Variants in SRRM3 observed in about 807,000 individuals in gnomAD.
The protein encoded by SRRM3 is serine/arginine repetitive matrix 3.
A neutral mutation model predicts 66.2 loss-of-function variants in SRRM3; 27 were observed. That is an observed-to-expected ratio of 0.41 (90% CI 0.30 to 0.56). The LOEUF (loss-of-function observed/expected upper bound fraction) is 0.56. SRRM3 is among the 20% of genes least tolerant of loss of function. The pLI is 0.32. For synonymous variants in SRRM3, 391 were observed against 414.9 expected, an observed-to-expected ratio of 0.94 and a Z score of 0.70; for missense variants, 918 against 991.9, an observed-to-expected ratio of 0.93 and a Z score of 1.00.
intron 1 of SRRM3, among the ~76,000 whole-genome samples, chr7:76,220,266 G>C (rs925288677): frequency 6.6e-6 from 1 of 152,180 alleles, no homozygotes; most frequent in Non-Finnish European, 1.5e-5. Flanking sequence ...AGTAGCCACA[G>C]GGTGACAGCA....
chr7:76,277,566 C>G (rs1554611300), intron 11 of SRRM3, among the ~76,000 whole-genome samples: 1 of 151,940 alleles, frequency 6.6e-6, no homozygotes, highest in African/African-American at 2.4e-5. Context: ...CATGGTGGCT[C>G]ACGCCTGTAA....
At chr7:76,217,274 A>G (rs1005963650) in intron 1 of SRRM3, among the ~76,000 whole-genome samples, 14 of 152,114 alleles carry the variant, frequency 9.2e-5, no homozygotes, top group African/African-American at 3.4e-4. Flanking sequence ...TCAAAAGCAA[A>G]TGCAGCTTTT....
chr7:76,213,569 GT>G, intron 1 of SRRM3, among the ~76,000 whole-genome samples: 1 of 152,254 alleles, frequency 6.6e-6, no homozygotes, highest in Middle Eastern at 3.4e-3. Context: ...GGGATTCATT[GT>G]TGCAGGTTGT....
In SRRM3 at chr7:76,267,710, G is replaced by T. The variant is rs569557502; in HGVS notation, c.1008+275G>T. 62 of 357,452 alleles carry T rather than the reference G, an allele frequency of 1.7e-4. No homozygotes were observed. In the South Asian group the frequency reaches 7.0e-3, roughly 40 times the overall value. The allele number at this position is 357,452 out of a possible 1,614,324, so 22.1% of individuals were successfully genotyped here. ...TTGGCAAACTGAAGGCCAGAGGGGG[G>T]TTGACCGCGGGGCACTGAGTTGGGT... On this transcript the variant is annotated intron_variant, in intron 11 of 14. Coordinates refer to ENST00000611745, the MANE Select transcript of SRRM3 (RefSeq NM_001110199.3).
Position 76,283,100 on chromosome 7 carries a change from A to G in SRRM3, c.1732A>G (p.Ser578Gly). 1 of 1,433,916 alleles carries G rather than the reference A, an allele frequency of 7.0e-7. No individual in the cohort carries two copies. Among genetic ancestry groups the G allele is most frequent in the Non-Finnish European group, 9.1e-7 (1 of 1,098,532 alleles). 88.8% of individuals were successfully genotyped at this position (1,433,916 alleles called of 1,614,324 possible). ...CTTCATGGAGCCGCGGCGCATCACC[A>G]GGTATGGAGGGTCTTGGGGGGGCCG... is the stretch of plus-strand genomic sequence containing the variant. ...PSFMEPRRIT[S>G]ARKRPIPYYR... Residue 578 changes from serine to glycine, a missense_variant and splice_region_variant, in exon 14 of 15, where the codon AGC becomes GGC. Transcript: ENST00000611745.
chr7:76,256,119 G>A (rs1010219907), intron 3 of SRRM3, among the ~76,000 whole-genome samples: 10 of 152,298 alleles, frequency 6.6e-5, no homozygotes, highest in African/African-American at 2.2e-4. Context: ...TAAACCCCAA[G>A]AGAGGGTTCT....
intron 8 of SRRM3, among the ~76,000 whole-genome samples, chr7:76,263,630 TG>T (rs1801933676): frequency 6.6e-6 from 1 of 151,818 alleles, no homozygotes; most frequent in Non-Finnish European, 1.5e-5. Context: ...AGGGCTGAGG[TG>T]GGCAGATCAC....
At position 76,281,558 on chromosome 7, in the gene SRRM3, G is replaced by A. The variant is rs2117116390; in HGVS notation, c.1126G>A (p.Gly376Arg). ...CTCGGCGCCGTCGTCCCAAGGTCGCGGAGGCCGCGCGGCGGGCGGGGCGGG... is the reference window on the plus strand; with the variant it reads ...CTCGGCGCCGTCGTCCCAAGGTCGCAGAGGCCGCGCGGCGGGCGGGGCGGG... ...PRSAPSSQGR[G>R]GRAAGGAGRR... Residue 376 changes from glycine to arginine, a missense_variant, in exon 12 of 15, where the codon GGA becomes AGA. Transcript: ENST00000611745. The A allele has an allele frequency of 9.4e-7, 1 of 1,062,986 alleles. No homozygotes were observed. Among genetic ancestry groups the A allele is most frequent in the Non-Finnish European group, 1.1e-6 (1 of 880,640 alleles). The allele number at this position is 1,062,986 out of a possible 1,614,324, so 65.8% of individuals were successfully genotyped here. A position where few individuals can be genotyped will look rare whatever the true frequency, so the allele number is the denominator to read the frequency against.
chr7:76,259,177 C>T (rs1195898217), intron 3 of SRRM3, among the ~76,000 whole-genome samples: 2 of 141,032 alleles, frequency 1.4e-5, no homozygotes, highest in East Asian at 2.1e-4. Context: ...GGGTTAGGGG[C>T]ACAGGGATCA....
chr7:76,278,817 C>T (rs1802426827), intron 11 of SRRM3, among the ~76,000 whole-genome samples: 1 of 152,226 alleles, frequency 6.6e-6, no homozygotes, highest in Non-Finnish European at 1.5e-5. Flanking sequence ...AGCTCAGCTC[C>T]AGCCCTGCAG....
At chr7:76,272,259 G>A (rs1033446335) in intron 11 of SRRM3, among the ~76,000 whole-genome samples, 19 of 152,154 alleles carry the variant, frequency 1.2e-4, no homozygotes, top group Non-Finnish European at 2.5e-4. Flanking sequence ...AGTCTCTAGC[G>A]TTAGAAGTTT....
chr7:76,234,950 G>A (rs1801104231), intron 1 of SRRM3, 78 bp from the exon 2 acceptor site: 4 of 828,556 alleles, frequency 4.8e-6, no homozygotes. Flanking sequence ...AAATCTCCAG[G>A]ATTAACTCCA....
At chr7:76,255,207 T>C (rs1480820541) in intron 3 of SRRM3, among the ~76,000 whole-genome samples, 2 of 139,982 alleles carry the variant, frequency 1.4e-5, no homozygotes, top group Non-Finnish European at 3.0e-5. Context: ...TGGAGTGCAG[T>C]GGTGCGATCT....
intron 1 of SRRM3, among the ~76,000 whole-genome samples, chr7:76,208,236 C>G (rs986190637): frequency 2.0e-5 from 3 of 152,162 alleles, no homozygotes; most frequent in African/African-American, 7.2e-5. Flanking sequence ...GCACCCAGAA[C>G]TGGAATCTGG....
chr7:76,261,174 C>T (rs1479022162), intron 6 of SRRM3, among the ~76,000 whole-genome samples, 178 bp from the exon 7 acceptor site: 1 of 152,000 alleles, frequency 6.6e-6, no homozygotes. Flanking sequence ...CATCAACTAC[C>T]CTGAGGGACC....
chr7:76,261,642 C>G, intron 8 of SRRM3, 61 bp downstream of exon 8: 1 of 1,552,840 alleles, frequency 6.4e-7, no homozygotes, highest in Non-Finnish European at 8.8e-7. Flanking sequence ...GCCCAAAGGA[C>G]GCAATGATGG....
chr7:76,236,638 C>CG (rs1345501898), intron 2 of SRRM3, among the ~76,000 whole-genome samples: 2 of 152,150 alleles, frequency 1.3e-5, no homozygotes, highest in Non-Finnish European at 1.5e-5. Context: ...ATCCGGAAGG[C>CG]GGGGGGCCAA....
At chr7:76,248,569 C>A (rs149754319) in intron 3 of SRRM3, among the ~76,000 whole-genome samples, 4 of 152,304 alleles carry the variant, frequency 2.6e-5, no homozygotes, top group African/African-American at 9.6e-5. Flanking sequence ...CAGCCCAGAT[C>A]TCAGCTCAGG....
At position 76,281,802 on chromosome 7, in the gene SRRM3, G is replaced by T; in HGVS notation, c.1370G>T (p.Arg457Leu). 1 of 1,368,686 alleles carries T rather than the reference G, an allele frequency of 7.3e-7. No homozygotes were observed. The highest frequency in any genetic ancestry group is 1.5e-5 in the South Asian group (1 of 67,090). The allele number at this position is 1,368,686 out of a possible 1,614,324, so 84.8% of individuals were successfully genotyped here. A position where few individuals can be genotyped will look rare whatever the true frequency, so the allele number is the denominator to read the frequency against. ...CGAGGCCACGGCGGACACGGGAAAC[G>T]GTGAGCGTGCTGGACCCGGAGCTGG... ...SERGHGGHGK[R>L]AKERPPRARP... Residue 457 changes from arginine (R) to leucine (L), a missense_variant and splice_region_variant, in exon 12 of 15, where the codon CGG becomes CTG. Coordinates refer to ENST00000611745, the MANE Select transcript of SRRM3 (RefSeq NM_001110199.3).
Sources: allele counts gnomAD v4.1 joint callset (sites outside exome capture counted in the v4.1 genomes callset), GRCh38; gene constraint gnomAD v4.1.1; transcripts MANE v1.5; gene names NCBI Gene and HGNC (gene_info 2026-07-23, HGNC 2026-07-21).